The following OSBPL9 variants were observed in gnomAD, a reference collection of about 807,000 sequenced individuals.
OSBPL9 encodes the protein oxysterol-binding protein-related protein 9.
A neutral mutation model predicts 106.6 loss-of-function variants in OSBPL9; 40 were observed. That is an observed-to-expected ratio of 0.38 (90% CI 0.29 to 0.49). The LOEUF is 0.49. OSBPL9 is among the 20% of genes least tolerant of loss of function. The pLI, the probability that OSBPL9 is intolerant of heterozygous loss-of-function variation, is 0.97. For missense variants in OSBPL9, 609 were observed against 887.2 expected, an observed-to-expected ratio of 0.69 and a Z score of 3.98; for synonymous variants, 269 against 295.4, an observed-to-expected ratio of 0.91 and a Z score of 0.92.
chr1:51,619,243 C>A (rs1183713721), intron 1 of OSBPL9, among the ~76,000 whole-genome samples: 1 of 152,164 alleles, frequency 6.6e-6, no homozygotes, highest in African/African-American at 2.4e-5. Context: ...AGTTACTTTA[C>A]AAATCCCAAA....
intron 2 of OSBPL9, among the ~76,000 whole-genome samples, chr1:51,610,817 C>G (rs989250605): frequency 6.6e-6 from 1 of 152,218 alleles, no homozygotes; most frequent in African/African-American, 2.4e-5. Flanking sequence ...GCTTTGTGTT[C>G]CATGTTGTCT....
intron 3 of OSBPL9, chr1:51,709,231 G>A: frequency 4.8e-6 from 1 of 207,136 alleles, no homozygotes; most frequent in Non-Finnish European, 1.0e-5. Flanking sequence ...GTGGTGTGGT[G>A]GGCTGCAAGG....
chr1:51,520,569 A>C, the OSBPL9 span, among the ~76,000 whole-genome samples: 1 of 152,222 alleles, frequency 6.6e-6, no homozygotes, highest in Non-Finnish European at 1.5e-5. Flanking sequence ...AGGCCTCAAT[A>C]AATGTATTTG....
chr1:51,608,730 C>A (rs192097701), intron 2 of OSBPL9, among the ~76,000 whole-genome samples: 10 of 151,670 alleles, frequency 6.6e-5, no homozygotes, highest in African/African-American at 2.4e-4. Context: ...CCTACTCTAA[C>A]ATATAGGCTA....
At chr1:51,552,147 A>G in the OSBPL9 span, among the ~76,000 whole-genome samples, 1 of 152,060 alleles carries the variant, frequency 6.6e-6, no homozygotes, top group Admixed American at 6.6e-5. Context: ...TACTTGTTCT[A>G]CTTTCTAGAT....
At chr1:51,750,221 C>T (rs989293926) in intron 8 of OSBPL9, 26 bp downstream of exon 8, 27 of 1,569,924 alleles carry the variant, frequency 1.7e-5, no homozygotes, top group Non-Finnish European at 2.3e-5. Context: ...TTTCAATTAC[C>T]TTTGTGTATG....
chr1:51,713,236 G>GC (rs1660435143), intron 3 of OSBPL9, among the ~76,000 whole-genome samples: 1 of 151,914 alleles, frequency 6.6e-6, no homozygotes, highest in Admixed American at 6.6e-5. Context: ...TGCAACCTCC[G>GC]CCTCCCGGGT....
intron 6 of OSBPL9, among the ~76,000 whole-genome samples, chr1:51,747,069 A>C (rs1014238118): frequency 6.6e-6 from 1 of 152,194 alleles, no homozygotes; most frequent in African/African-American, 2.4e-5. Flanking sequence ...CTCTGGGTTA[A>C]AATGATTCTC....
At chr1:51,739,070 C>T (rs1437824880) in intron 4 of OSBPL9, among the ~76,000 whole-genome samples, 2 of 152,010 alleles carry the variant, frequency 1.3e-5, no homozygotes, top group African/African-American at 4.8e-5. Flanking sequence ...GTTGCAGATT[C>T]AGGATTTAAA....
intron 2 of OSBPL9, among the ~76,000 whole-genome samples, chr1:51,660,462 CAAAA>C (rs1198735922): frequency 6.6e-6 from 1 of 151,872 alleles, no homozygotes; most frequent in Non-Finnish European, 1.5e-5. Context: ...ATAAAGAAGA[CAAAA>C]AGAAAATCCC....
chr1:51,561,230 G>A, the OSBPL9 span, among the ~76,000 whole-genome samples: 1 of 152,176 alleles, frequency 6.6e-6, no homozygotes, highest in South Asian at 2.1e-4. Context: ...GAGTAAGTGA[G>A]ACTCTGTCTC....
At chr1:51,651,836 A>G (rs1646537886) in intron 1 of OSBPL9, among the ~76,000 whole-genome samples, 155 bp from the exon 2 acceptor site, 1 of 152,162 alleles carries the variant, frequency 6.6e-6, no homozygotes, top group Non-Finnish European at 1.5e-5. Flanking sequence ...AAATCTGTTT[A>G]TTTTCCTATC....
At chr1:51,533,492 A>G in the OSBPL9 span, among the ~76,000 whole-genome samples, 1 of 150,036 alleles carries the variant, frequency 6.7e-6, no homozygotes, top group Non-Finnish European at 1.5e-5. Flanking sequence ...TCTCAAAAAA[A>G]AAAAAAAAAA....
chr1:51,609,035 C>T (rs1168270106), intron 2 of OSBPL9, among the ~76,000 whole-genome samples: 3 of 152,026 alleles, frequency 2.0e-5, no homozygotes, highest in Non-Finnish European at 4.4e-5. Flanking sequence ...CTGTCTAATT[C>T]TATGACCTCC....
the OSBPL9 span, among the ~76,000 whole-genome samples, chr1:51,548,392 C>A: frequency 7.3e-5 from 11 of 150,658 alleles, no homozygotes; most frequent in Admixed American, 7.3e-4. Flanking sequence ...AGCCACCACA[C>A]CTAGCTTGGT....
At chr1:51,560,389 C>T in the OSBPL9 span, among the ~76,000 whole-genome samples, 4 of 152,178 alleles carry the variant, frequency 2.6e-5, no homozygotes, top group African/African-American at 9.7e-5. Context: ...TTCTCTCAAA[C>T]ATAAAATGAG....
Position 51,772,162 on chromosome 1 carries a change from C to G in OSBPL9, c.1031C>G (p.Ser344Cys), listed in dbSNP as rs1674055399. The G allele has an allele frequency of 4.3e-6, 7 of 1,612,178 alleles. No individual in the cohort carries two copies. The highest frequency in any genetic ancestry group is 1.7e-5 in the Admixed American group (1 of 59,840). The change falls in exon 13 of 24, where the codon TCC becomes TGC. Residue 344 changes from serine to cysteine, a missense_variant. By Grantham distance (112) the Ser-to-Cys change is moderately radical. Coordinates refer to ENST00000428468, the MANE Select transcript of OSBPL9 (RefSeq NM_024586.6). ...ACAGAATCACTTAATTCTTCCTTGT[C>G]CAATGGAACAAGTGATGCTGGTAAG... ...DTTESLNSSL[S>C]NGTSDADLFD...
At chr1:51,649,175 C>A (rs1304408867) in intron 1 of OSBPL9, among the ~76,000 whole-genome samples, 3 of 152,158 alleles carry the variant, frequency 2.0e-5, no homozygotes, top group Non-Finnish European at 4.4e-5. Context: ...AGTGCCATCT[C>A]TGCTCACTGC....
chr1:51,635,848 A>G (rs1001285712), intron 1 of OSBPL9, among the ~76,000 whole-genome samples: 4 of 152,000 alleles, frequency 2.6e-5, no homozygotes, highest in Non-Finnish European at 2.9e-5. Flanking sequence ...CAATTTTGAA[A>G]TCTCTACAGC....
Sources: allele counts gnomAD v4.1 joint callset (sites outside exome capture counted in the v4.1 genomes callset), GRCh38; gene constraint gnomAD v4.1.1; transcripts MANE v1.5; gene names NCBI Gene and HGNC (gene_info 2026-07-23, HGNC 2026-07-21).